The following ANTXRL variants were observed in gnomAD, a reference collection of about 807,000 sequenced individuals.
ANTXRL encodes the protein anthrax toxin receptor-like.
A neutral mutation model predicts 75.4 loss-of-function variants in ANTXRL; 63 were observed. The ratio of observed to expected loss-of-function variants is 0.84; its 90% CI spans 0.68 to 1.03. The LOEUF is 1.03. ANTXRL is among the 50% of genes least tolerant of loss of function. ANTXRL has a pLI of 0.00. For synonymous variants in ANTXRL, 335 were observed against 291.3 expected (o/e 1.15, Z -1.53); for missense variants, 797 against 789.4 (o/e 1.01, Z -0.12).
intron 3 of ANTXRL, among the ~76,000 whole-genome samples, chr10:46,295,644 A>G (rs1458125640): frequency 1.4e-5 from 2 of 138,326 alleles, no homozygotes; most frequent in African/African-American, 5.1e-5. Context: ...CCCCATTGTC[A>G]GTGGCTGACT....
rs782596387 is a variant in ANTXRL at position 46,307,981 on chromosome 10, C to T, written c.1044+501C>T. Among the ~76,000 whole-genome samples, 90 of 152,288 alleles carry T rather than the reference C, an allele frequency of 5.9e-4. 1 individual carries two copies. The Middle Eastern group carries it at 0.014, about 23-fold the overall frequency. On this transcript the variant is annotated intron_variant, in intron 12 of 16. Transcript: ENST00000620264. ...GGGGAGGCTCTCAGGCACTCGGACC[C>T]GAGCTCAGCTCCAAGAGGCCCCTGG...
chr10:46,296,174 G>C, intron 4 of ANTXRL, 45 bp from the exon 5 acceptor site: 1 of 1,535,644 alleles, frequency 6.5e-7, no homozygotes, highest in Non-Finnish European at 8.7e-7. Flanking sequence ...GCATCAGTGG[G>C]AGCATCTCAC....
intron 9 of ANTXRL, 49 bp from the exon 10 acceptor site, chr10:46,302,673 G>A: frequency 7.2e-7 from 1 of 1,379,514 alleles, no homozygotes. Flanking sequence ...CAGAGGGGAG[G>A]CAGCCCCCTA....
chr10:46,298,127 G>A, intron 9 of ANTXRL, 65 bp downstream of exon 9: 1 of 1,160,702 alleles, frequency 8.6e-7, no homozygotes, highest in Non-Finnish European at 1.2e-6. Context: ...CGTGTATGGA[G>A]TGTGTGCATT....
In ANTXRL at chr10:46,297,463, A is replaced by T; in HGVS notation, c.643A>T (p.Asn215Tyr). 2 of 1,535,740 alleles carry T rather than the reference A, an allele frequency of 1.3e-6. No homozygotes were observed. Among genetic ancestry groups the T allele is most frequent in the Non-Finnish European group, 1.7e-6 (2 of 1,146,690 alleles). The change falls in exon 7 of 17, where the codon AAT (asparagine) becomes TAT (tyrosine). Residue 215 changes from asparagine (N) to tyrosine (Y), a missense_variant. Coordinates refer to ENST00000620264, the MANE Select transcript of ANTXRL (RefSeq NM_001278688.3). ...TTACACCCTGGGTGTGGCTGATTAT[A>T]ATCTGGATCAGGTAATTCCAAGCAG... ...NVYTLGVADYNLDQITAIADS... is the reference protein window; with the variant it reads ...NVYTLGVADYYLDQITAIADS...
At chr10:46,320,489 T>C (rs1298997152) in intron 16 of ANTXRL, among the ~76,000 whole-genome samples, 2 of 152,136 alleles carry the variant, frequency 1.3e-5, no homozygotes, top group African/African-American at 4.8e-5. Flanking sequence ...CCCAACACTT[T>C]GGGAGGCCTA....
intron 16 of ANTXRL, among the ~76,000 whole-genome samples, chr10:46,315,923 C>A (rs1410010776): frequency 1.3e-5 from 2 of 152,122 alleles, no homozygotes; most frequent in Admixed American, 1.3e-4. Context: ...TGCTCCATCA[C>A]CTTCAGTTCC....
At position 46,309,193 on chromosome 10, in the gene ANTXRL, C is replaced by T; in HGVS notation, c.1125C>T (p.Cys375=). The change falls in exon 13 of 17, where the codon TGC becomes TGT. Residue 375 remains cysteine (C), a synonymous_variant. Transcript: ENST00000620264. ...TGCTGTGTTGTGTCTGGCGGCTGTG[C>T]CGCAAGCAGGCAAGTGCTCCCTGCC... ...PLLLCCVWRL[C]RKQTVKEPPP... 6.5e-7 allele frequency: 1 copy of T among 1,533,856 alleles called. No individual in the cohort carries two copies. The highest frequency in any genetic ancestry group is 1.2e-5 in the South Asian group (1 of 84,050).
intron 7 of ANTXRL, 133 bp from the exon 8 acceptor site, chr10:46,297,698 G>A: frequency 1.1e-6 from 1 of 914,108 alleles, no homozygotes; most frequent in Non-Finnish European, 1.7e-6. Context: ...GCTGGCTGGA[G>A]AAGTCTGTGA....
rs1411634326 is a variant in ANTXRL at position 46,306,822 on chromosome 10, C to G, written c.915C>G (p.Ile305Met). ...STIIDEKPTSIDNNSMNCPGP... is the reference protein window; with the variant it reads ...STIIDEKPTSMDNNSMNCPGP... ...TTTTAGATGAAAAGCCAACCAGTAT[C>G]GACAATAATTCCATGAATTGCCCTG... The change falls in exon 11 of 17, where the codon ATC (isoleucine) becomes ATG (methionine). Residue 305 changes from isoleucine to methionine, a missense_variant. Around this residue, in one of 3 missense-constraint regions of ANTXRL, gnomAD observed 479 missense variants for 422.0 expected, o/e 1.14. Transcript: ENST00000620264. 3 of 1,527,578 alleles carry G rather than the reference C, an allele frequency of 2.0e-6. No individual in the cohort carries two copies. The highest frequency in any genetic ancestry group is 2.6e-6 in the Non-Finnish European group (3 of 1,143,566). 94.6% of individuals were successfully genotyped at this position (1,527,578 alleles called of 1,614,324 possible).
chr10:46,327,805 C>T lies in ANTXRL; in HGVS notation c.1411-1794C>T, dbSNP rs191914578. On this transcript the variant is annotated intron_variant, in intron 16 of 16. Coordinates refer to ENST00000620264, the MANE Select transcript of ANTXRL (RefSeq NM_001278688.3). Reference sequence around the variant, plus strand: ...GGCTGAGACTGGCCTGGCAGGAGACCCCTGGGATTCCAGGCAGCCGGGAAG... The same window carrying T: ...GGCTGAGACTGGCCTGGCAGGAGACTCCTGGGATTCCAGGCAGCCGGGAAG... 5.7e-3 allele frequency among the ~76,000 whole-genome samples: 869 copies of T among 152,184 alleles called. 12 individuals are homozygous for T. The highest frequency in any genetic ancestry group is 0.019 in the African/African-American group (786 of 41,502).
At position 46,326,069 on chromosome 10, in the gene ANTXRL, G is replaced by A. The variant is rs551707922; in HGVS notation, c.1411-3530G>A. 1.6e-3 allele frequency among the ~76,000 whole-genome samples: 238 copies of A among 150,878 alleles called. 2 individuals are homozygous for A. The highest frequency in any genetic ancestry group is 4.8e-3 in the Admixed American group (72 of 15,146). On this transcript the variant is annotated intron_variant, in intron 16 of 16. Coordinates refer to ENST00000620264, the MANE Select transcript of ANTXRL (RefSeq NM_001278688.3). The stretch of plus-strand genomic sequence containing the variant: ...ACAGGAAGGCCTGGCTGATCAGAAG[G>A]TCTTTCTTTGTAAGGCATCTGGGTT...
intron 16 of ANTXRL, among the ~76,000 whole-genome samples, chr10:46,316,543 A>G (rs60449964): frequency 0.33 from 49,800 of 151,604 alleles, 9,214 homozygotes; most frequent in Admixed American, 0.44. Flanking sequence ...GTGGACACCG[A>G]AGCTCTGATG....
intron 16 of ANTXRL, among the ~76,000 whole-genome samples, chr10:46,316,408 A>C (rs1838727432): frequency 6.6e-6 from 1 of 152,090 alleles, no homozygotes; most frequent in Admixed American, 6.6e-5. Context: ...TAGGTAACCC[A>C]CCCAGGGTCA....
intron 16 of ANTXRL, among the ~76,000 whole-genome samples, chr10:46,316,753 A>C (rs1588858472): frequency 6.6e-6 from 1 of 152,162 alleles, no homozygotes; most frequent in Non-Finnish European, 1.5e-5. Context: ...ATTCAACGTC[A>C]TCTGAACACC....
intron 11 of ANTXRL, among the ~76,000 whole-genome samples, chr10:46,307,106 A>G (rs1838141247): frequency 6.6e-6 from 1 of 152,164 alleles, no homozygotes; most frequent in South Asian, 2.1e-4. Context: ...TGATTGCCCA[A>G]GGAATGGTAC....
intron 11 of ANTXRL, 64 bp downstream of exon 11, chr10:46,306,936 G>A: frequency 7.2e-7 from 1 of 1,381,138 alleles, no homozygotes; most frequent in Admixed American, 2.6e-5. Context: ...GGCACCTTGA[G>A]GTGTACAAAA....
chr10:46,317,802 T>G (rs1838806645), intron 16 of ANTXRL, among the ~76,000 whole-genome samples: 1 of 152,150 alleles, frequency 6.6e-6, no homozygotes, highest in Non-Finnish European at 1.5e-5. Flanking sequence ...AATTAAGGTT[T>G]CTGATTGTTT....
At chr10:46,316,929 T>C (rs1211773246) in intron 16 of ANTXRL, among the ~76,000 whole-genome samples, 1 of 152,144 alleles carries the variant, frequency 6.6e-6, no homozygotes, top group Non-Finnish European at 1.5e-5. Context: ...GGCGTGTCTC[T>C]ATGGGTGCTG....
Sources: allele counts gnomAD v4.1 joint callset (sites outside exome capture counted in the v4.1 genomes callset), GRCh38; gene constraint gnomAD v4.1.1; regional missense constraint gnomAD v4.1.1; transcripts MANE v1.5; gene names NCBI Gene and HGNC (gene_info 2026-07-23, HGNC 2026-07-21).